MAF: variants seen among roughly 807,000 people sequenced by gnomAD.
The protein encoded by MAF is transcription factor Maf.
A neutral mutation model predicts 22.0 loss-of-function variants in MAF; 10 were observed. The observed-to-expected ratio is 0.45, with a 90% CI of 0.28 to 0.77. The LOEUF (loss-of-function observed/expected upper bound fraction) is 0.77. Among genes scored for constraint, MAF ranks in the 30% least tolerant of loss-of-function variants. The probability of loss-of-function intolerance (pLI) is 0.12; values close to 1 mark genes in which losing one functional copy is unlikely to be tolerated. For synonymous variants in MAF, 337 were observed against 255.8 expected (o/e 1.32, Z -3.03); for missense variants, 544 against 548.4 (o/e 0.99, Z 0.08).
chr16:79,515,389 C>T, the MAF span, among the ~76,000 whole-genome samples: 1 of 152,180 alleles, frequency 6.6e-6, no homozygotes, highest in African/African-American at 2.4e-5. Context: ...TTTGAATACC[C>T]ATACAAACAT....
chr16:79,398,098 C>T, the MAF span, among the ~76,000 whole-genome samples: 1 of 152,162 alleles, frequency 6.6e-6, no homozygotes, highest in Non-Finnish European at 1.5e-5. Flanking sequence ...TGCTTCCCTG[C>T]CTTTTTCAGT....
the MAF span, among the ~76,000 whole-genome samples, chr16:79,405,505 A>G: frequency 6.6e-6 from 1 of 152,340 alleles, no homozygotes; most frequent in Admixed American, 6.5e-5. Flanking sequence ...AACATGGGGC[A>G]TAGAAGTCAC....
the MAF span, among the ~76,000 whole-genome samples, chr16:79,236,754 A>G: frequency 1.3e-5 from 2 of 151,936 alleles, no homozygotes; most frequent in Admixed American, 1.3e-4. Context: ...TCCCCATTGA[A>G]GAAACAGGAG....
chr16:79,528,396 T>A, the MAF span, among the ~76,000 whole-genome samples: 2 of 152,174 alleles, frequency 1.3e-5, no homozygotes, highest in Non-Finnish European at 2.9e-5. Flanking sequence ...CAACAGACAC[T>A]GTCCCAGGGG....
the MAF span, among the ~76,000 whole-genome samples, chr16:79,348,544 G>C: frequency 6.6e-6 from 1 of 152,168 alleles, no homozygotes; most frequent in Non-Finnish European, 1.5e-5. Context: ...GTGATAAAAG[G>C]GGTTGAACCT....
At chr16:79,209,008 A>C in the MAF span, among the ~76,000 whole-genome samples, 1 of 152,188 alleles carries the variant, frequency 6.6e-6, no homozygotes, top group Admixed American at 6.5e-5. Context: ...GGAGTAGAGA[A>C]GGTCGTCTTT....
chr16:79,485,592 T>C, the MAF span, among the ~76,000 whole-genome samples: 2 of 152,148 alleles, frequency 1.3e-5, no homozygotes, highest in South Asian at 4.1e-4. Flanking sequence ...GAGCACAAAC[T>C]GACAATCTGA....
At chr16:79,431,085 C>T in the MAF span, among the ~76,000 whole-genome samples, 1 of 152,042 alleles carries the variant, frequency 6.6e-6, no homozygotes, top group African/African-American at 2.4e-5. Flanking sequence ...CAGAACAGGG[C>T]AAAAGGAGCC....
chr16:79,450,378 T>C, the MAF span, among the ~76,000 whole-genome samples: 1 of 152,238 alleles, frequency 6.6e-6, no homozygotes, highest in Admixed American at 6.5e-5. Context: ...GAAATGTCCA[T>C]CTATCAATGT....
At chr16:79,351,327 A>G in the MAF span, among the ~76,000 whole-genome samples, 1 of 152,182 alleles carries the variant, frequency 6.6e-6, no homozygotes, top group Non-Finnish European at 1.5e-5. Flanking sequence ...TAAGTGGGAA[A>G]GGCCTCCTGC....
the MAF span, among the ~76,000 whole-genome samples, chr16:79,364,791 T>C: frequency 2.0e-5 from 3 of 152,190 alleles, no homozygotes; most frequent in Non-Finnish European, 2.9e-5. Context: ...GTTAGACCCT[T>C]AAAGAGGCAG....
chr16:79,593,330 T>C (rs578234454), downstream of MAF, among the ~76,000 whole-genome samples: 4 of 152,292 alleles, frequency 2.6e-5, no homozygotes, highest in East Asian at 7.7e-4. Context: ...CAGGACATGC[T>C]GGGAATGCAG....
chr16:79,511,105 C>A, the MAF span, among the ~76,000 whole-genome samples: 9 of 149,706 alleles, frequency 6.0e-5, no homozygotes, highest in African/African-American at 2.0e-4. Flanking sequence ...CGCACAATGG[C>A]GGGGTGGTGA....
the MAF span, among the ~76,000 whole-genome samples, chr16:79,441,214 C>G: frequency 6.6e-6 from 1 of 152,178 alleles, no homozygotes; most frequent in Non-Finnish European, 1.5e-5. Flanking sequence ...ACAAATTGAA[C>G]CACAGATTTC....
At chr16:79,538,061 C>T in the MAF span, among the ~76,000 whole-genome samples, 64 of 152,252 alleles carry the variant, frequency 4.2e-4, no homozygotes, top group African/African-American at 1.5e-3. Flanking sequence ...ATCTATTCTA[C>T]ATACTGCACC....
At chr16:79,339,579 GGTTT>G in the MAF span, among the ~76,000 whole-genome samples, 1 of 152,024 alleles carries the variant, frequency 6.6e-6, no homozygotes. Context: ...AAAATTTTGA[GGTTT>G]GTTTTTTATA....
At chr16:79,373,235 C>T in the MAF span, among the ~76,000 whole-genome samples, 4 of 152,104 alleles carry the variant, frequency 2.6e-5, no homozygotes, top group East Asian at 5.8e-4. Flanking sequence ...GAAGCCTAAT[C>T]CCCAATGTGG....
the MAF span, among the ~76,000 whole-genome samples, chr16:79,400,178 G>A: frequency 7.2e-5 from 11 of 152,240 alleles, no homozygotes; most frequent in South Asian, 1.9e-3. Context: ...CAATACACAG[G>A]GCAGACCCCA....
the MAF span, among the ~76,000 whole-genome samples, chr16:79,398,727 T>C: frequency 6.6e-6 from 1 of 151,940 alleles, no homozygotes; most frequent in Non-Finnish European, 1.5e-5. Flanking sequence ...GAATGGCAAA[T>C]CTCCCACATC....
Sources: gnomAD v4.1 joint callset for allele counts (sites outside exome capture counted in the v4.1 genomes callset) on GRCh38, gnomAD v4.1.1 for gene constraint, MANE v1.5 for transcripts, NCBI Gene and HGNC (gene_info 2026-07-23, HGNC 2026-07-21) for gene names.